The following WDR17 variants were observed in gnomAD, a reference collection of about 807,000 sequenced individuals.
The protein encoded by WDR17 is WD repeat domain 17.
A neutral mutation model predicts 161.7 loss-of-function variants in WDR17; 143 were observed. That is an observed-to-expected ratio of 0.88 (90% CI 0.77 to 1.02). WDR17 has a LOEUF of 1.02. WDR17 is among the 50% of genes least tolerant of loss of function. The pLI is 0.00. For missense variants in WDR17, 1,469 were observed against 1,520.9 expected, an observed-to-expected ratio of 0.97 and a Z score of 0.57; for synonymous variants, 517 against 515.6, an observed-to-expected ratio of 1.00 and a Z score of -0.04.
At chr4:176,121,488 C>T (rs1741573829) in intron 4 of WDR17, among the ~76,000 whole-genome samples, 1 of 152,168 alleles carries the variant, frequency 6.6e-6, no homozygotes, top group South Asian at 2.1e-4. Flanking sequence ...CACTTCTTCC[C>T]TGGCCTGCAC....
Position 176,174,628 on chromosome 4 carries a change from A to C in WDR17, c.3359A>C (p.Glu1120Ala). ...LLHTCTEARN[E>A]LLILCGYIGA... ...ATATTCTCTTTTAGAGCTCGAAATG[A>C]GTTGCTGATATTATGTGGTTACATT... Residue 1120 changes from glutamate to alanine, a missense_variant, in exon 26 of 29, where the codon GAG becomes GCG. Coordinates refer to ENST00000508596, the MANE Select transcript of WDR17 (RefSeq NM_181265.4). The C allele has an allele frequency of 6.2e-7, 1 of 1,607,282 alleles. No homozygotes were observed.
chr4:176,182,405 G>GTATATATATATATA lies in WDR17; in HGVS notation c.*2838_*2851dup, dbSNP rs34628181. ...AATATATATATGTGCGTGTGTGTGT[G>GTATATATATATATA]TATATATATATATATATATATATAT... On this transcript the variant is annotated 3_prime_UTR_variant, in exon 29 of 29. Transcript: ENST00000508596. This position sits in a 1 kb window ranked among gnomAD's most constrained non-coding sequence, Gnocchi z 4.2. The GTATATATATATATA allele has an allele frequency of 2.0e-5, 3 of 148,744 alleles. No individual in the cohort carries two copies. The highest frequency in any genetic ancestry group is 3.0e-5 in the Non-Finnish European group (2 of 67,090). 9.2% of individuals were successfully genotyped at this position (148,744 alleles called of 1,614,324 possible). A position where few individuals can be genotyped will look rare whatever the true frequency, so the allele number is the denominator to read the frequency against.
At chr4:176,148,779 G>C (rs1463917195) in intron 13 of WDR17, among the ~76,000 whole-genome samples, 1 of 152,064 alleles carries the variant, frequency 6.6e-6, no homozygotes, top group Non-Finnish European at 1.5e-5. Context: ...TTAGTACAAT[G>C]TTTTGTTTTT....
chr4:176,073,159 T>A (rs1561061997), intron 1 of WDR17, among the ~76,000 whole-genome samples: 1 of 152,276 alleles, frequency 6.6e-6, no homozygotes, highest in Non-Finnish European at 1.5e-5. Context: ...AATGTGCAGG[T>A]TTGTTACATA....
intron 4 of WDR17, among the ~76,000 whole-genome samples, chr4:176,123,521 C>T (rs528457358): frequency 6.6e-6 from 1 of 152,148 alleles, no homozygotes; most frequent in Non-Finnish European, 1.5e-5. Context: ...TCCCGTGGCC[C>T]CCTCCTTGCA....
At chr4:176,150,442 A>G (rs769654189) in intron 15 of WDR17, 26 bp from the exon 16 acceptor site, 15 of 1,586,214 alleles carry the variant, frequency 9.5e-6, no homozygotes, top group East Asian at 4.5e-5. Flanking sequence ...TCACTATTCC[A>G]TATTTATTTT....
At chr4:176,139,567 G>A (rs1744931313) in intron 9 of WDR17, among the ~76,000 whole-genome samples, 1 of 151,916 alleles carries the variant, frequency 6.6e-6, no homozygotes, top group African/African-American at 2.4e-5. Flanking sequence ...GGTACTCATG[G>A]GAAAAGGCAT....
intron 1 of WDR17, among the ~76,000 whole-genome samples, chr4:176,077,699 G>A (rs1578990478): frequency 6.6e-6 from 1 of 151,440 alleles, no homozygotes; most frequent in Non-Finnish European, 1.5e-5. Context: ...GATAGAGTTG[G>A]ATGATTGTAT....
chr4:176,173,114 T>C (rs992323387), intron 24 of WDR17, among the ~76,000 whole-genome samples, 153 bp from the exon 25 acceptor site: 2 of 152,112 alleles, frequency 1.3e-5, no homozygotes, highest in African/African-American at 4.8e-5. Flanking sequence ...TATGGGGACC[T>C]GAGAGAGGAT....
chr4:176,126,525 A>G (rs1476626654), intron 5 of WDR17, among the ~76,000 whole-genome samples: 8 of 152,210 alleles, frequency 5.3e-5, no homozygotes, highest in South Asian at 2.1e-4. Context: ...TGGGTTCTGC[A>G]TCAGTGGATT....
chr4:176,169,284 G>C (rs887100900), intron 23 of WDR17, among the ~76,000 whole-genome samples: 8 of 152,050 alleles, frequency 5.3e-5, no homozygotes, highest in African/African-American at 1.9e-4. Context: ...GCAGAATATA[G>C]GAATCTATGC....
intron 1 of WDR17, among the ~76,000 whole-genome samples, chr4:176,085,690 C>T (rs1186326577): frequency 6.6e-6 from 1 of 151,714 alleles, no homozygotes; most frequent in Non-Finnish European, 1.5e-5. Context: ...TGTGTTTGTT[C>T]TGTATTTTTC....
chr4:176,138,206 CAG>C (rs1026395315), intron 9 of WDR17, among the ~76,000 whole-genome samples: 1 of 151,492 alleles, frequency 6.6e-6, no homozygotes, highest in Admixed American at 6.6e-5. Context: ...AGGTATGAAT[CAG>C]GGGAAAATGA....
chr4:176,125,086 A>T lies in WDR17; in HGVS notation c.539-18A>T. On this transcript the variant is annotated intron_variant, in intron 4 of 28. Transcript: ENST00000508596. Reference sequence around the variant, plus strand: ...TTCTGCAAGTTTTTTGGAAATAATTATCTCTGTATTTTAACAGGTAATAAA... The same window carrying T: ...TTCTGCAAGTTTTTTGGAAATAATTTTCTCTGTATTTTAACAGGTAATAAA... 6.2e-7 allele frequency: 1 copy of T among 1,609,492 alleles called. No individual in the cohort carries two copies. Among genetic ancestry groups the T allele is most frequent in the Non-Finnish European group, 8.5e-7 (1 of 1,177,806 alleles).
At chr4:176,115,645 T>G in intron 2 of WDR17, 151 bp from the exon 3 acceptor site, 2 of 487,758 alleles carry the variant, frequency 4.1e-6, no homozygotes, top group African/African-American at 4.0e-5. Flanking sequence ...TACACTTGAA[T>G]GTAGACCAAG....
chr4:176,136,699 G>A lies in WDR17; in HGVS notation c.1268-821G>A, dbSNP rs1744466675. ...ATTACATAATTTCCTCTGTATCTTA[G>A]TGTAGATACCAGACGAAAAGAAAAA... On this transcript the variant is annotated intron_variant, in intron 8 of 28. Transcript: ENST00000508596. Among the ~76,000 whole-genome samples the A allele has an allele frequency of 2.0e-5, 3 of 151,328 alleles. No homozygotes were observed. In the South Asian group the frequency reaches 6.2e-4, roughly 31 times the overall value.
intron 1 of WDR17, among the ~76,000 whole-genome samples, chr4:176,087,207 AT>A (rs915200858): frequency 2.0e-5 from 3 of 150,652 alleles, no homozygotes; most frequent in Non-Finnish European, 4.4e-5. Flanking sequence ...AATCCCTTAT[AT>A]TTTTTTTTCT....
intron 23 of WDR17, among the ~76,000 whole-genome samples, chr4:176,169,148 C>T (rs116398225): frequency 2.1e-3 from 321 of 152,272 alleles, no homozygotes; most frequent in African/African-American, 7.2e-3. Context: ...CCACTGTACA[C>T]TTTGCATACT....
At position 176,181,769 on chromosome 4, in the gene WDR17, A is replaced by T. The variant is rs1303417284; in HGVS notation, c.*2190A>T. ...GATATCATTAAGTATATAAACAATC[A>T]TTACTTCTGTATTTTTAATGAATGC... is the stretch of plus-strand genomic sequence containing the variant. On this transcript the variant is annotated 3_prime_UTR_variant, in exon 29 of 29. Coordinates refer to ENST00000508596, the MANE Select transcript of WDR17 (RefSeq NM_181265.4). 6.6e-6 allele frequency: 1 copy of T among 152,320 alleles called. No homozygotes were observed. The highest frequency in any genetic ancestry group is 2.4e-5 in the African/African-American group (1 of 41,446). The allele number at this position is 152,320 out of a possible 1,614,324, so 9.4% of individuals were successfully genotyped here. A position where few individuals can be genotyped will look rare whatever the true frequency, so the allele number is the denominator to read the frequency against.
Sources: gnomAD v4.1 joint callset for allele counts (sites outside exome capture counted in the v4.1 genomes callset) on GRCh38, gnomAD v4.1.1 for gene constraint, Gnocchi (gnomAD v3.1) non-coding constraint, MANE v1.5 for transcripts, NCBI Gene and HGNC (gene_info 2026-07-23, HGNC 2026-07-21) for gene names.